GPR39: variants seen among roughly 807,000 people sequenced by gnomAD.
The protein encoded by GPR39 is G protein-coupled receptor 39.
GPR39 carries 23 observed loss-of-function variants against 18.4 expected under a neutral mutation model. That is an observed-to-expected ratio of 1.25 (90% CI 0.90 to 1.77). The LOEUF is 1.77. GPR39 is among the 40% of genes most tolerant of loss of function. The probability of loss-of-function intolerance (pLI) is 0.00; values close to 1 mark genes in which losing one functional copy is unlikely to be tolerated. For missense variants in GPR39, 647 were observed against 602.4 expected (o/e 1.07, Z -0.78); for synonymous variants, 280 against 257.9 (o/e 1.09, Z -0.82).
chr2:132,460,810 C>T (rs1680817327), intron 1 of GPR39, among the ~76,000 whole-genome samples: 1 of 152,012 alleles, frequency 6.6e-6, no homozygotes. Context: ...TACATGGTAA[C>T]CCCAGATGGG....
intron 1 of GPR39, among the ~76,000 whole-genome samples, chr2:132,541,054 G>A (rs1679852580): frequency 6.6e-6 from 1 of 151,886 alleles, no homozygotes; most frequent in African/African-American, 2.4e-5. Flanking sequence ...ACTGAGGCCA[G>A]GTAAGGAGAC....
At position 132,476,635 on chromosome 2, in the gene GPR39, CAAAAAAAAA is replaced by C. The variant is rs66464566; in HGVS notation, c.856+58756_856+58764del. On this transcript the variant is annotated intron_variant, in intron 1 of 1. Coordinates refer to ENST00000329321, the MANE Select transcript of GPR39 (RefSeq NM_001508.3). ...TGGGTAACAGAGCAAGACTCCATCT[CAAAAAAAAA>C]AAAAAAAAAAAAAAAAAAGATAGAT... is the stretch of plus-strand genomic sequence containing the variant. 1.2e-3 allele frequency among the ~76,000 whole-genome samples: 68 copies of C among 56,450 alleles called. 1 individual carries two copies. Among genetic ancestry groups the C allele is most frequent in the African/African-American group, 4.8e-3 (67 of 14,102 alleles). 37.0% of individuals were successfully genotyped at this position (56,450 alleles called of 152,430 possible).
chr2:132,585,584 C>T (rs919759269), intron 1 of GPR39, among the ~76,000 whole-genome samples: 4 of 152,236 alleles, frequency 2.6e-5, no homozygotes, highest in African/African-American at 9.6e-5. Context: ...TTCGAACCGC[C>T]GGCGCGGCTC....
intron 1 of GPR39, among the ~76,000 whole-genome samples, chr2:132,449,959 A>C (rs546911195): frequency 3.3e-5 from 5 of 152,166 alleles, no homozygotes; most frequent in Admixed American, 6.5e-5. Context: ...TTTTGGGCAC[A>C]AGTGGCTGGG....
intron 1 of GPR39, among the ~76,000 whole-genome samples, chr2:132,566,613 A>G (rs1182765951): frequency 6.6e-6 from 1 of 152,190 alleles, no homozygotes; most frequent in Non-Finnish European, 1.5e-5. Context: ...CGTTTTTGCA[A>G]CATTGTTCGG....
chr2:132,427,512 A>G (rs1680149156), intron 1 of GPR39, among the ~76,000 whole-genome samples: 1 of 150,494 alleles, frequency 6.6e-6, no homozygotes, highest in East Asian at 1.9e-4. Flanking sequence ...TATGTTATAT[A>G]TTGTATGAGT....
At chr2:132,638,988 G>C (rs1452770666) in intron 1 of GPR39, among the ~76,000 whole-genome samples, 3 of 152,082 alleles carry the variant, frequency 2.0e-5, no homozygotes, top group African/African-American at 7.2e-5. Flanking sequence ...CCCTGTCTCT[G>C]CTGGTGCTGC....
chr2:132,584,986 C>T (rs192964321), intron 1 of GPR39, among the ~76,000 whole-genome samples: 2 of 152,160 alleles, frequency 1.3e-5, no homozygotes, highest in Non-Finnish European at 2.9e-5. Context: ...GGCTCTCCTG[C>T]CCCCCACCAT....
intron 1 of GPR39, among the ~76,000 whole-genome samples, chr2:132,422,679 T>G (rs956568564): frequency 2.0e-5 from 3 of 152,080 alleles, no homozygotes; most frequent in Non-Finnish European, 2.9e-5. Context: ...CAGAAAAAAG[T>G]TTTGCCTCAA....
chr2:132,600,938 C>G (rs36016546), intron 1 of GPR39, among the ~76,000 whole-genome samples: 15 of 152,142 alleles, frequency 9.9e-5, no homozygotes, highest in Non-Finnish European at 1.6e-4. Context: ...TTCTCTCACC[C>G]TCCTCCAACC....
intron 1 of GPR39, among the ~76,000 whole-genome samples, chr2:132,440,252 A>C (rs1680409628): frequency 6.6e-6 from 1 of 152,202 alleles, no homozygotes; most frequent in South Asian, 2.1e-4. Flanking sequence ...GTTTTCTAGC[A>C]GTGGTTAATT....
In GPR39 at chr2:132,645,689, G is replaced by A. The variant is rs944688999; in HGVS notation, c.*83G>A. 4.6e-6 allele frequency: 7 copies of A among 1,512,836 alleles called. No homozygotes were observed. The highest frequency in any genetic ancestry group is 2.1e-5 in the Admixed American group (1 of 47,286). The allele number at this position is 1,512,836 out of a possible 1,614,324, so 93.7% of individuals were successfully genotyped here. A position where few individuals can be genotyped will look rare whatever the true frequency, so the allele number is the denominator to read the frequency against. On this transcript the variant is annotated 3_prime_UTR_variant, in exon 2 of 2. Coordinates refer to ENST00000329321, the MANE Select transcript of GPR39 (RefSeq NM_001508.3). The stretch of plus-strand genomic sequence containing the variant: ...CTCTCACTCTGCAGTCTCAAACTAT[G>A]CCCCCATCAGGGATGGAATGGACAC...
At chr2:132,540,262 G>C (rs572181709) in intron 1 of GPR39, among the ~76,000 whole-genome samples, 1 of 152,096 alleles carries the variant, frequency 6.6e-6, no homozygotes, top group Non-Finnish European at 1.5e-5. Flanking sequence ...TTGACAGCAG[G>C]GGCTCTCCGG....
chr2:132,602,696 A>C (rs536431979), intron 1 of GPR39, among the ~76,000 whole-genome samples: 1 of 152,164 alleles, frequency 6.6e-6, no homozygotes, highest in African/African-American at 2.4e-5. Flanking sequence ...AAAGCAAAAA[A>C]CTGAATAATC....
chr2:132,567,473 C>T (rs771574345), intron 1 of GPR39, among the ~76,000 whole-genome samples: 16 of 152,212 alleles, frequency 1.1e-4, no homozygotes, highest in Non-Finnish European at 1.9e-4. Flanking sequence ...TAGTTTGGCT[C>T]ATGCTCCAGC....
At chr2:132,444,766 A>G (rs1157325687) in intron 1 of GPR39, among the ~76,000 whole-genome samples, 1 of 152,214 alleles carries the variant, frequency 6.6e-6, no homozygotes, top group African/African-American at 2.4e-5. Flanking sequence ...TGAAGGAGAG[A>G]ATGGCTATCT....
At chr2:132,463,971 C>G (rs1176873338) in intron 1 of GPR39, among the ~76,000 whole-genome samples, 2 of 152,164 alleles carry the variant, frequency 1.3e-5, no homozygotes, top group Non-Finnish European at 2.9e-5. Flanking sequence ...CTCAGGGCAG[C>G]ATTCCAAGAT....
At chr2:132,423,473 TA>T (rs761588917) in intron 1 of GPR39, among the ~76,000 whole-genome samples, 17 of 152,210 alleles carry the variant, frequency 1.1e-4, no homozygotes, top group Non-Finnish European at 1.8e-4. Flanking sequence ...GTTCAGTTTA[TA>T]ACACCCCTTA....
At chr2:132,506,452 G>A (rs1679137169) in intron 1 of GPR39, among the ~76,000 whole-genome samples, 1 of 152,116 alleles carries the variant, frequency 6.6e-6, no homozygotes, top group East Asian at 1.9e-4. Flanking sequence ...TGATCTTGAG[G>A]TCTTAGCCAT....
Sources: allele counts gnomAD v4.1 joint callset (sites outside exome capture counted in the v4.1 genomes callset), GRCh38; gene constraint gnomAD v4.1.1; transcripts MANE v1.5; gene names NCBI Gene and HGNC (gene_info 2026-07-23, HGNC 2026-07-21).